Variants in DENND3 observed in about 807,000 individuals in gnomAD.
DENND3 encodes DENN domain containing 3, also known as DENN domain-containing protein 3.
Under a neutral mutation model 135.1 loss-of-function variants are expected in DENND3, and 88 were observed. That is an observed-to-expected ratio of 0.65 (90% CI 0.55 to 0.78). The LOEUF (loss-of-function observed/expected upper bound fraction) is 0.78, where lower values mean the gene tolerates loss of function less well. DENND3 is among the 30% of genes least tolerant of loss of function. The pLI, the probability that DENND3 is intolerant of heterozygous loss-of-function variation, is 0.00. For missense variants in DENND3, 1,392 were observed against 1,688.4 expected (o/e 0.82, Z 3.08); for synonymous variants, 693 against 712.3 (o/e 0.97, Z 0.43).
At position 141,139,093 on chromosome 8, in the gene DENND3, C is replaced by A. The variant is rs1817145104; in HGVS notation, c.501+956C>A. The stretch of plus-strand genomic sequence containing the variant: ...GTGCAGGGTGACCTGCTGCACACGT[C>A]CAGAGGGTTTCCCGAAGCAAAAAGC... On this transcript the variant is annotated intron_variant, in intron 3 of 22. Transcript: ENST00000519811. This position sits in a 1 kb window ranked among gnomAD's most constrained non-coding sequence, Gnocchi z 4.2. Among the ~76,000 whole-genome samples the A allele has an allele frequency of 6.6e-6, 1 of 151,928 alleles. No homozygotes were observed. The highest frequency in any genetic ancestry group is 2.4e-5 in the African/African-American group (1 of 41,398).
At chr8:141,151,921 C>T in intron 7 of DENND3, 84 bp downstream of exon 7, 3 of 1,527,774 alleles carry the variant, frequency 2.0e-6, no homozygotes, top group Non-Finnish European at 2.7e-6. Context: ...TCTGAAAGTG[C>T]TCCGCGGTGA....
At position 141,168,587 on chromosome 8, in the gene DENND3, G is replaced by A. The variant is rs1821102216; in HGVS notation, c.2275+62G>A. On this transcript the variant is annotated intron_variant, in intron 13 of 22. Transcript: ENST00000519811. This position sits in a 1 kb window ranked among gnomAD's most constrained non-coding sequence, Gnocchi z 6.2. ...TTTAGAGACAGGGTCTGGCTCTGTC[G>A]CCCAGGCTGGAGTGGACTGGCAATC... The A allele has an allele frequency of 7.9e-6, 12 of 1,527,294 alleles. No individual in the cohort carries two copies. Among genetic ancestry groups the A allele is most frequent in the South Asian group, 6.4e-5 (5 of 77,844 alleles). 94.6% of individuals were successfully genotyped at this position (1,527,294 alleles called of 1,614,324 possible). A position where few individuals can be genotyped will look rare whatever the true frequency, so the allele number is the denominator to read the frequency against.
intron 8 of DENND3, among the ~76,000 whole-genome samples, chr8:141,156,902 C>A (rs2051614516): frequency 6.6e-6 from 1 of 151,264 alleles, no homozygotes; most frequent in Non-Finnish European, 1.5e-5. Context: ...AGCGATTCTC[C>A]TGCCTCAGCC....
chr8:141,163,907 CAAA>C (rs1157176340), intron 10 of DENND3, among the ~76,000 whole-genome samples: 13 of 55,942 alleles, frequency 2.3e-4, no homozygotes, highest in Admixed American at 5.6e-4. Context: ...GACTCCGTCT[CAAA>C]AAAAAAAAAA....
intron 17 of DENND3, 95 bp downstream of exon 17, chr8:141,180,949 CCAGT>C (rs1422064681): frequency 3.1e-6 from 3 of 974,874 alleles, no homozygotes; most frequent in Non-Finnish European, 4.5e-6. Flanking sequence ...GAAAGGGGAG[CCAGT>C]GTCACGGGAT....
intron 17 of DENND3, 80 bp from the exon 18 acceptor site, chr8:141,185,059 A>C (rs1823715667): frequency 1.3e-6 from 2 of 1,541,090 alleles, no homozygotes; most frequent in Non-Finnish European, 1.8e-6. Flanking sequence ...CCCAGGAGGC[A>C]CCTGAGTAAG....
At position 141,136,735 on chromosome 8, in the gene DENND3, A is replaced by G; in HGVS notation, c.329A>G (p.Asp110Gly). ...PGPPRAPEPE[D>G]VAVPGGVDLL... ...CCCCCCAGAGCGCCAGAGCCTGAGG[A>G]TGTCGCCGTCCCGGGCGGCGTGGAC... The change falls in exon 2 of 23, where the codon GAT becomes GGT. Residue 110 changes from aspartate (D) to glycine (G), a missense_variant. Transcript: ENST00000519811. 1 of 1,606,532 alleles carries G rather than the reference A, an allele frequency of 6.2e-7. No homozygotes were observed. The highest frequency in any genetic ancestry group is 8.5e-7 in the Non-Finnish European group (1 of 1,176,938).
rs1589697289 is a variant in DENND3 at position 141,182,440 on chromosome 8, G to A, written c.2944+1586G>A. ...CAGGCTCTGTGCTGACTTCGCCAGA[G>A]ATGACTCCACAGACCAAGATACTTT... On this transcript the variant is annotated intron_variant, in intron 17 of 22. Transcript: ENST00000519811. This position sits in a 1 kb window ranked among gnomAD's most constrained non-coding sequence, Gnocchi z 5.9. 1 of 985,464 alleles carries A rather than the reference G, an allele frequency of 1.0e-6. No individual in the cohort carries two copies. Among genetic ancestry groups the A allele is most frequent in the Non-Finnish European group, 1.2e-6 (1 of 829,926 alleles). The allele number at this position is 985,464 out of a possible 1,614,324, so 61.0% of individuals were successfully genotyped here. A position where few individuals can be genotyped will look rare whatever the true frequency, so the allele number is the denominator to read the frequency against.
intron 13 of DENND3, among the ~76,000 whole-genome samples, chr8:141,172,434 G>A (rs929468902): frequency 3.0e-4 from 46 of 152,262 alleles, no homozygotes; most frequent in African/African-American, 1.1e-3. Context: ...CTAGAGCCCT[G>A]AGCGCCCTCA....
In DENND3 at chr8:141,192,351, G is replaced by T. The variant is rs1279033881; in HGVS notation, c.3400G>T (p.Val1134Phe). The change falls in exon 21 of 23, where the codon GTC (valine) becomes TTC (phenylalanine). Residue 1134 changes from valine (V) to phenylalanine (F), a missense_variant. Val to Phe is a conservative substitution (Grantham distance 50, BLOSUM62 -1). Transcript: ENST00000519811. ...CACAGGCACAGGTAACAGCATCATG[G>T]TCATGAAAATGAATGGATCCCTCCA... The part of the protein sequence containing the change: ...LWCCTGNSIM[V>F]MKMNGSLHQE... 1 of 1,614,006 alleles carries T rather than the reference G, an allele frequency of 6.2e-7. No homozygotes were observed. The highest frequency in any genetic ancestry group is 1.3e-5 in the African/African-American group (1 of 74,924).
intron 7 of DENND3, among the ~76,000 whole-genome samples, chr8:141,155,229 C>G (rs949411894): frequency 6.6e-6 from 1 of 152,032 alleles, no homozygotes; most frequent in Non-Finnish European, 1.5e-5. Context: ...CTTACACTGT[C>G]GAGCTGCACG....
At chr8:141,160,494 T>G (rs1820005079) in intron 8 of DENND3, 138 bp from the exon 9 acceptor site, 1 of 1,156,404 alleles carries the variant, frequency 8.6e-7, no homozygotes. Flanking sequence ...TGATGTACTT[T>G]AATGACCACC....
chr8:141,190,308 C>T lies in DENND3; in HGVS notation c.3270C>T (p.Asp1090=), dbSNP rs367719545. 4.7e-5 allele frequency: 75 copies of T among 1,609,580 alleles called. 1 individual carries two copies. The highest frequency in any genetic ancestry group is 3.8e-4 in the South Asian group (34 of 89,930). Residue 1090 remains aspartate, a synonymous_variant, in exon 20 of 23, where the codon GAC becomes GAT. Transcript: ENST00000519811. ...GCAACGTGTACTCGTGCAGCATGGACGGCATGGTGCTGGTGTGGAATGTGA... is the reference window on the plus strand; with the variant it reads ...GCAACGTGTACTCGTGCAGCATGGATGGCATGGTGCTGGTGTGGAATGTGA... ...APSNVYSCSM[D]GMVLVWNVST...
At chr8:141,171,355 G>A (rs1821530219) in intron 13 of DENND3, among the ~76,000 whole-genome samples, 1 of 152,200 alleles carries the variant, frequency 6.6e-6, no homozygotes, top group African/African-American at 2.4e-5. Flanking sequence ...AACAGTGCAA[G>A]GCCAATATGC....
chr8:141,191,445 G>A (rs80145248), intron 20 of DENND3: 2,759 of 152,376 alleles, frequency 0.018, 71 homozygotes, highest in South Asian at 0.059. Flanking sequence ...AGTGGGCACT[G>A]GGTTCACTCT....
At chr8:141,158,408 A>T (rs968380327) in intron 8 of DENND3, 5 of 1,128,248 alleles carry the variant, frequency 4.4e-6, no homozygotes, top group Non-Finnish European at 5.5e-6. Context: ...CTGCATCCTC[A>T]TCTTCTTGTT....
rs755126698 is a variant in DENND3, at chr8:141,155,945, C to T, written c.1171C>T (p.Leu391=). The change falls in exon 8 of 23, where the codon CTG becomes TTG. Residue 391 remains leucine (L), a synonymous_variant. Transcript: ENST00000519811. ...DNVDIPDVPL[L]AAQTFIQRVQ... ...CGTGGACATTCCTGATGTCCCCCTC[C>T]TGGCAGCCCAGACGTTTATTCAGAG... 1.2e-6 allele frequency: 2 copies of T among 1,612,060 alleles called. No homozygotes were observed. Among genetic ancestry groups the T allele is most frequent in the Admixed American group, 1.7e-5 (1 of 59,782 alleles).
intron 17 of DENND3, 40 bp downstream of exon 17, chr8:141,180,894 C>T: frequency 6.5e-7 from 1 of 1,542,858 alleles, no homozygotes; most frequent in South Asian, 1.2e-5. Context: ...CAGTTTTCAG[C>T]CAATCTGATG....
intron 8 of DENND3, among the ~76,000 whole-genome samples, chr8:141,159,906 G>A (rs1250930393): frequency 6.6e-6 from 1 of 152,206 alleles, no homozygotes; most frequent in African/African-American, 2.4e-5. Flanking sequence ...GTTTGTTGCA[G>A]GGCACAGAGG....
Sources: allele counts gnomAD v4.1 joint callset (sites outside exome capture counted in the v4.1 genomes callset), GRCh38; gene constraint gnomAD v4.1.1; non-coding constraint Gnocchi (gnomAD v3.1); transcripts MANE v1.5; gene names NCBI Gene and HGNC (gene_info 2026-07-23, HGNC 2026-07-21).